Variants in COMMD1 observed in about 807,000 individuals in gnomAD.
COMMD1 encodes COMM domain-containing protein 1.
COMMD1 carries 10 observed loss-of-function variants against 17.2 expected under a neutral mutation model. The ratio of observed to expected loss-of-function variants is 0.58; its 90% CI spans 0.36 to 0.99. The LOEUF (loss-of-function observed/expected upper bound fraction) is 0.99, where lower values mean the gene tolerates loss of function less well. COMMD1 is among the 50% of genes least tolerant of loss of function. The pLI is 0.01. For missense variants in COMMD1, 270 were observed against 231.8 expected (o/e 1.17, Z -1.07); for synonymous variants, 97 against 91.6 (o/e 1.06, Z -0.34).
At chr2:62,046,849 G>A (rs1670397484) in intron 2 of COMMD1, among the ~76,000 whole-genome samples, 1 of 152,180 alleles carries the variant, frequency 6.6e-6, no homozygotes, top group East Asian at 1.9e-4. Context: ...GATTTACAAA[G>A]ATAAGACTAA....
At chr2:61,999,791 A>C (rs1668873108) in intron 1 of COMMD1, among the ~76,000 whole-genome samples, 1 of 152,138 alleles carries the variant, frequency 6.6e-6, no homozygotes, top group Admixed American at 6.6e-5. Flanking sequence ...ATATTTAAAA[A>C]TTATATTCTA....
Position 62,037,140 on chromosome 2 carries a change from C to G in COMMD1, c.462+36158C>G, listed in dbSNP as rs1301241923. Among the ~76,000 whole-genome samples, 9 of 152,208 alleles carry G rather than the reference C, an allele frequency of 5.9e-5. No homozygotes were observed. In the South Asian group the frequency reaches 1.0e-3, roughly 18 times the overall value. ...TCCTTTATTTTTGCTAGTCATGCCT[C>G]TGTCGTAATGTTCCAAGAGGCCTGG... On this transcript the variant is annotated intron_variant, in intron 2 of 2. Transcript: ENST00000311832.
chr2:62,026,815 A>T (rs1223619021), intron 2 of COMMD1, among the ~76,000 whole-genome samples: 1 of 152,176 alleles, frequency 6.6e-6, no homozygotes, highest in Non-Finnish European at 1.5e-5. Context: ...AGTAACATAT[A>T]CTGTTAAAGA....
chr2:61,917,507 G>A (rs760479311), intron 1 of COMMD1, among the ~76,000 whole-genome samples: 1 of 152,048 alleles, frequency 6.6e-6, no homozygotes, highest in Non-Finnish European at 1.5e-5. Flanking sequence ...ATTTTAGAGT[G>A]AATTTAAGAA....
chr2:62,091,621 G>A (rs557932629), intron 2 of COMMD1, among the ~76,000 whole-genome samples: 1 of 152,252 alleles, frequency 6.6e-6, no homozygotes, highest in East Asian at 1.9e-4. Context: ...GTGCTGTCAG[G>A]GACCTCTGTC....
intron 2 of COMMD1, among the ~76,000 whole-genome samples, chr2:62,054,820 A>G (rs958312678): frequency 2.0e-5 from 3 of 152,216 alleles, no homozygotes; most frequent in Non-Finnish European, 4.4e-5. Context: ...TATGCAATCT[A>G]TGTATATAAC....
chr2:62,078,494 A>G (rs1459832366), intron 2 of COMMD1, among the ~76,000 whole-genome samples: 6 of 146,044 alleles, frequency 4.1e-5, no homozygotes, highest in Non-Finnish European at 3.0e-5. Flanking sequence ...TGGAGCTTGC[A>G]GTGAGCTGAA....
At chr2:61,906,606 A>G (rs909485410) in intron 1 of COMMD1, among the ~76,000 whole-genome samples, 1 of 141,996 alleles carries the variant, frequency 7.0e-6, no homozygotes, top group Non-Finnish European at 1.5e-5. Flanking sequence ...GGACAACTCT[A>G]TTTAGACCGA....
chr2:61,939,024 C>T (rs1670670068), intron 1 of COMMD1, among the ~76,000 whole-genome samples: 1 of 152,102 alleles, frequency 6.6e-6, no homozygotes, highest in Non-Finnish European at 1.5e-5. Context: ...AAGTGTTACA[C>T]TTTTCCTTTG....
intron 2 of COMMD1, among the ~76,000 whole-genome samples, chr2:62,011,443 C>A (rs556194421): frequency 6.6e-6 from 1 of 152,316 alleles, no homozygotes; most frequent in East Asian, 1.9e-4. Flanking sequence ...TACTACCTAG[C>A]ATGCTATTTT....
intron 2 of COMMD1, among the ~76,000 whole-genome samples, chr2:62,023,691 G>A (rs1453775830): frequency 6.6e-6 from 1 of 152,128 alleles, no homozygotes; most frequent in African/African-American, 2.4e-5. Context: ...CACCATGTTG[G>A]CCAGGCTGGT....
chr2:62,127,845 GA>G (rs1415685375), intron 2 of COMMD1, among the ~76,000 whole-genome samples: 1 of 152,004 alleles, frequency 6.6e-6, no homozygotes, highest in Non-Finnish European at 1.5e-5. Flanking sequence ...CCAACATGGT[GA>G]AACCCCATCA....
rs74433734 is a variant in COMMD1, at chr2:61,906,671, A to G, written c.180+813A>G. On this transcript the variant is annotated intron_variant, in intron 1 of 2. Coordinates refer to ENST00000311832, the MANE Select transcript of COMMD1 (RefSeq NM_152516.4). ...TACTCTAGAGACAAACTGTAAAAAA[A>G]TTACTGACTTTTATAGGTCTCCTAT... Among the ~76,000 whole-genome samples, 223 of 152,272 alleles carry G rather than the reference A, an allele frequency of 1.5e-3. 1 individual carries two copies. Among genetic ancestry groups the G allele is most frequent in the Non-Finnish European group, 1.2e-3 (81 of 68,018 alleles).
intron 2 of COMMD1, among the ~76,000 whole-genome samples, chr2:62,111,461 G>C (rs965545174): frequency 2.6e-5 from 4 of 152,150 alleles, no homozygotes; most frequent in Non-Finnish European, 4.4e-5. Context: ...ATAGACTGAG[G>C]GGGGAAGCCC....
chr2:61,976,877 G>T (rs1275845712), intron 1 of COMMD1, among the ~76,000 whole-genome samples: 1 of 151,440 alleles, frequency 6.6e-6, no homozygotes, highest in Non-Finnish European at 1.5e-5. Context: ...TGTCCAGGCT[G>T]GGGTACAGTG....
intron 2 of COMMD1, among the ~76,000 whole-genome samples, chr2:62,011,892 A>G (rs998348983): frequency 9.9e-5 from 15 of 152,194 alleles, no homozygotes; most frequent in African/African-American, 3.4e-4. Flanking sequence ...TAAGAACAAC[A>G]AAAAAGTTGA....
chr2:62,095,807 C>CATATAT lies in COMMD1; in HGVS notation c.463-40015_463-40010dup, dbSNP rs143205759. On this transcript the variant is annotated intron_variant, in intron 2 of 2. Coordinates refer to ENST00000311832, the MANE Select transcript of COMMD1 (RefSeq NM_152516.4). ...TTGTGTAGTCAAGTTTCACAGCATGCATATATATATATATGCATATCAGGG... is the reference window on the plus strand; with the variant it reads ...TTGTGTAGTCAAGTTTCACAGCATGCATATATATATATATATATATGCATATCAGGG... Among the ~76,000 whole-genome samples, 79 of 67,956 alleles carry CATATAT rather than the reference C, an allele frequency of 1.2e-3. 14 individuals are homozygous for CATATAT. The highest frequency in any genetic ancestry group is 6.1e-3 in the African/African-American group (70 of 11,486). 44.6% of individuals were successfully genotyped at this position (67,956 alleles called of 152,430 possible). A position where few individuals can be genotyped will look rare whatever the true frequency, so the allele number is the denominator to read the frequency against.
intron 2 of COMMD1, among the ~76,000 whole-genome samples, chr2:62,057,412 G>T (rs952319330): frequency 6.6e-6 from 1 of 152,050 alleles, no homozygotes; most frequent in African/African-American, 2.4e-5. Flanking sequence ...ATTAGCTCAA[G>T]ATTTATAATC....
intron 1 of COMMD1, among the ~76,000 whole-genome samples, chr2:61,989,078 A>G (rs975154806): frequency 2.6e-5 from 4 of 152,186 alleles, no homozygotes; most frequent in Admixed American, 6.5e-5. Flanking sequence ...TTTCTGCAGT[A>G]TGAAGTTAAA....
Sources: gnomAD v4.1 joint callset for allele counts (sites outside exome capture counted in the v4.1 genomes callset) on GRCh38, gnomAD v4.1.1 for gene constraint, MANE v1.5 for transcripts, NCBI Gene and HGNC (gene_info 2026-07-23, HGNC 2026-07-21) for gene names.